Variants in NOS1 observed in about 807,000 individuals in gnomAD.
NOS1 encodes the protein NOS type I.
A neutral mutation model predicts 164.5 loss-of-function variants in NOS1; 51 were observed. The observed-to-expected ratio is 0.31, with a 90% CI of 0.25 to 0.39. The LOEUF (loss-of-function observed/expected upper bound fraction) is 0.39. Among genes scored for constraint, NOS1 ranks in the 10% least tolerant of loss-of-function variants. The probability of loss-of-function intolerance (pLI) is 1.00; values close to 1 mark genes in which losing one functional copy is unlikely to be tolerated. For synonymous variants in NOS1, 719 were observed against 745.8 expected, an observed-to-expected ratio of 0.96 and a Z score of 0.59; for missense variants, 1,362 against 1,885.6, an observed-to-expected ratio of 0.72 and a Z score of 5.14.
chr12:117,218,381 T>C (rs1395368752), intron 27 of NOS1, among the ~76,000 whole-genome samples: 2 of 152,054 alleles, frequency 1.3e-5, no homozygotes, highest in Non-Finnish European at 2.9e-5. Flanking sequence ...CTCTGGGACA[T>C]AGCCCAGTTG....
intron 3 of NOS1, chr12:117,301,963 G>A (rs1873840913): frequency 2.2e-6 from 1 of 456,708 alleles, no homozygotes; most frequent in Non-Finnish European, 4.4e-6. Context: ...AGGCCCTGTA[G>A]AGTGGGCTCA....
chr12:117,337,160 G>T (rs1248498030), intron 1 of NOS1, among the ~76,000 whole-genome samples: 12 of 136,120 alleles, frequency 8.8e-5, no homozygotes, highest in African/African-American at 3.1e-4. Flanking sequence ...CTGTCGCCCA[G>T]GCTGGAGTGC....
intron 2 of NOS1, among the ~76,000 whole-genome samples, chr12:117,317,098 C>G (rs1874702163): frequency 6.6e-6 from 1 of 152,080 alleles, no homozygotes; most frequent in Non-Finnish European, 1.5e-5. Context: ...CCAGGCTGGT[C>G]TCCAACTCCT....
chr12:117,322,292 C>T (rs1874995179), intron 2 of NOS1, among the ~76,000 whole-genome samples: 1 of 131,930 alleles, frequency 7.6e-6, no homozygotes, highest in African/African-American at 2.9e-5. Flanking sequence ...TCCTTCCCTC[C>T]TTCCTTCCCT....
At chr12:117,333,140 A>C (rs1231685740) in intron 1 of NOS1, among the ~76,000 whole-genome samples, 1 of 152,150 alleles carries the variant, frequency 6.6e-6, no homozygotes, top group African/African-American at 2.4e-5. Context: ...GTAGGGTGGG[A>C]AGTAGCCGCC....
At chr12:117,352,577 A>G (rs1380186947) in intron 1 of NOS1, among the ~76,000 whole-genome samples, 1 of 152,194 alleles carries the variant, frequency 6.6e-6, no homozygotes, top group African/African-American at 2.4e-5. Context: ...CGTAAATGAC[A>G]TTGTCACCAG....
At chr12:117,217,413 T>C (rs1295133462) in intron 28 of NOS1, among the ~76,000 whole-genome samples, 1 of 152,004 alleles carries the variant, frequency 6.6e-6, no homozygotes, top group Non-Finnish European at 1.5e-5. Context: ...GGTAGAAATG[T>C]CACAACTCCG....
rs139858460 is a variant in NOS1 at position 117,287,334 on chromosome 12, T to C, written c.1127+740A>G. 2.7e-5 allele frequency among the ~76,000 whole-genome samples: 4 copies of C among 146,474 alleles called. No individual in the cohort carries two copies. The East Asian group carries it at 8.1e-4, about 30-fold the overall frequency. ...AACATGAACTTAAATTCCATTAACATGCAGAGCGCTAATCCCTTTGATTTT... is the reference window on the plus strand; with the variant it reads ...AACATGAACTTAAATTCCATTAACACGCAGAGCGCTAATCCCTTTGATTTT... On this transcript the variant is annotated intron_variant, in intron 5 of 28. Transcript: ENST00000317775.
At chr12:117,221,180 G>A (rs1956699610) in intron 26 of NOS1, among the ~76,000 whole-genome samples, 1 of 147,298 alleles carries the variant, frequency 6.8e-6, no homozygotes, top group Admixed American at 6.7e-5. Flanking sequence ...TTGAGACAGA[G>A]TCTTGCTCGT....
intron 1 of NOS1, among the ~76,000 whole-genome samples, chr12:117,338,812 AG>A (rs1875960290): frequency 6.6e-6 from 1 of 152,192 alleles, no homozygotes; most frequent in African/African-American, 2.4e-5. Flanking sequence ...ATAATATCAA[AG>A]AAAACAAAAC....
chr12:117,253,765 C>A lies in NOS1; in HGVS notation c.2532-11G>T, dbSNP rs1195365564. On this transcript the variant is annotated splice_polypyrimidine_tract_variant and intron_variant, in intron 16 of 28. Coordinates refer to ENST00000317775, the MANE Select transcript of NOS1 (RefSeq NM_000620.5). Reference sequence around the variant, plus strand: ...CGGACCTTGTAGCTCCTGCCAAAACCAAAGAGAACCTGTGAGCTCTGGCCT... The same window carrying A: ...CGGACCTTGTAGCTCCTGCCAAAACAAAAGAGAACCTGTGAGCTCTGGCCT... 8 of 1,591,858 alleles carry A rather than the reference C, an allele frequency of 5.0e-6. No individual in the cohort carries two copies. Among genetic ancestry groups the A allele is most frequent in the Non-Finnish European group, 6.9e-6 (8 of 1,159,884 alleles).
chr12:117,270,833 C>T (rs553434091), intron 10 of NOS1, among the ~76,000 whole-genome samples: 24 of 152,020 alleles, frequency 1.6e-4, no homozygotes, highest in Non-Finnish European at 2.9e-4. Context: ...GTCAAGAGTT[C>T]GAGACTAGCC....
chr12:117,258,967 G>A, intron 15 of NOS1, 59 bp downstream of exon 15: 1 of 1,233,388 alleles, frequency 8.1e-7, no homozygotes, highest in South Asian at 1.2e-5. Context: ...CTCAACCTTG[G>A]CCCCTACTTC....
chr12:117,322,531 C>T (rs1445612200), intron 2 of NOS1, among the ~76,000 whole-genome samples: 2 of 130,988 alleles, frequency 1.5e-5, no homozygotes, highest in Admixed American at 7.6e-5. Context: ...CTCCTTCCTT[C>T]CCTCTCTCCT....
chr12:117,264,456 CTTTCT>C (rs1872202315), intron 12 of NOS1, among the ~76,000 whole-genome samples: 1 of 97,254 alleles, frequency 1.0e-5, no homozygotes, highest in African/African-American at 8.7e-5. Context: ...TATTTATTTT[CTTTCT>C]TTATTTTCTT....
chr12:117,311,688 T>G, intron 2 of NOS1, 96 bp from the exon 3 acceptor site: 2 of 1,345,624 alleles, frequency 1.5e-6, no homozygotes, highest in Non-Finnish European at 2.0e-6. Context: ...AGAACCTCAG[T>G]AGCTCACTCA....
At chr12:117,278,333 A>G (rs993545710) in intron 8 of NOS1, among the ~76,000 whole-genome samples, 20 of 152,184 alleles carry the variant, frequency 1.3e-4, no homozygotes, top group African/African-American at 4.6e-4. Context: ...AATAGCAAAA[A>G]CCACAATTAT....
At chr12:117,244,043 A>G (rs1870420453) in intron 18 of NOS1, among the ~76,000 whole-genome samples, 1 of 152,252 alleles carries the variant, frequency 6.6e-6, no homozygotes, top group Admixed American at 6.5e-5. Context: ...TTTATTCCTA[A>G]AACTGATGTG....
intron 3 of NOS1, among the ~76,000 whole-genome samples, chr12:117,296,261 C>T (rs546288323): frequency 6.6e-6 from 1 of 152,146 alleles, no homozygotes; most frequent in South Asian, 2.1e-4. Context: ...TTATTTGAAG[C>T]CTGTGATAGT....
Sources: gnomAD v4.1 joint callset for allele counts (sites outside exome capture counted in the v4.1 genomes callset) on GRCh38, gnomAD v4.1.1 for gene constraint, MANE v1.5 for transcripts, NCBI Gene and HGNC (gene_info 2026-07-23, HGNC 2026-07-21) for gene names.